RNF24: variants seen among roughly 807,000 people sequenced by gnomAD.
RNF24 encodes ring finger protein 24.
In RNF24, 14 loss-of-function variants were observed where a neutral mutation model predicts 20.0. That is an observed-to-expected ratio of 0.70 (90% CI 0.46 to 1.10). RNF24 has a LOEUF of 1.10. RNF24 is among the 50% of genes least tolerant of loss of function. The pLI is 0.00. For missense variants in RNF24, 124 were observed against 177.6 expected, an observed-to-expected ratio of 0.70 and a Z score of 1.71; for synonymous variants, 45 against 61.1, an observed-to-expected ratio of 0.74 and a Z score of 1.23.
chr20:3,954,899 AAG>A (rs1457058093), intron 2 of RNF24, among the ~76,000 whole-genome samples: 10 of 141,448 alleles, frequency 7.1e-5, no homozygotes, highest in Admixed American at 6.9e-5. Context: ...ACTCCATCTC[AAG>A]AAAAAAAAAA....
chr20:3,935,609 T>G (rs114352328), intron 4 of RNF24, among the ~76,000 whole-genome samples: 1 of 152,230 alleles, frequency 6.6e-6, no homozygotes, highest in African/African-American at 2.4e-5. Context: ...CTCTGTCATA[T>G]AAAAAGTTAC....
At chr20:4,001,004 T>C (rs1316429274) in intron 1 of RNF24, among the ~76,000 whole-genome samples, 1 of 152,112 alleles carries the variant, frequency 6.6e-6, no homozygotes, top group Non-Finnish European at 1.5e-5. Context: ...CAGTGGCTCA[T>C]GCCTGTAATC....
At chr20:3,942,173 A>AT (rs35759811) in intron 4 of RNF24, among the ~76,000 whole-genome samples, 44,914 of 145,446 alleles carry the variant, frequency 0.31, 7,467 homozygotes, top group African/African-American at 0.45. Context: ...TCAGAAAAAT[A>AT]TTTTTTTTTT....
rs767321807 is a variant in RNF24 at position 3,934,241 on chromosome 20, A to C, written c.309-40T>G. Reference sequence around the variant, plus strand: ...ACCACAGGGGGAAGATGTCAGTCCTATGCTCATGGCACGGCTGTTCTGCTG... The same window carrying C: ...ACCACAGGGGGAAGATGTCAGTCCTCTGCTCATGGCACGGCTGTTCTGCTG... On this transcript the variant is annotated intron_variant, in intron 5 of 5. Coordinates refer to ENST00000358395, the MANE Select transcript of RNF24 (RefSeq NM_001134337.3). This position sits in a 1 kb window ranked among gnomAD's most constrained non-coding sequence, Gnocchi z 4.0. 6.3e-7 allele frequency: 1 copy of C among 1,587,800 alleles called. No homozygotes were observed. Among genetic ancestry groups the C allele is most frequent in the Non-Finnish European group, 8.6e-7 (1 of 1,167,608 alleles).
At position 3,929,963 on chromosome 20, in the gene RNF24, C is replaced by T. The variant is rs2090797610; in HGVS notation, c.*4100G>A. 6.8e-6 allele frequency: 1 copy of T among 147,218 alleles called. No individual in the cohort carries two copies. The highest frequency in any genetic ancestry group is 6.6e-5 in the Admixed American group (1 of 15,120). The allele number at this position is 147,218 out of a possible 1,614,324, so 9.1% of individuals were successfully genotyped here. ...TTCTGATTTCTGGGATGGCTCTTCC[C>T]ACATTAGTAGGAGCGTTCCTTGAAT... On this transcript the variant is annotated 3_prime_UTR_variant, in exon 6 of 6. Transcript: ENST00000358395.
intron 3 of RNF24, among the ~76,000 whole-genome samples, chr20:3,947,844 C>T (rs558228946): frequency 1.5e-4 from 23 of 151,990 alleles, no homozygotes; most frequent in African/African-American, 3.4e-4. Context: ...GTCCAGAGTT[C>T]GAGACCAGCC....
At chr20:3,970,393 A>G (rs1323467927) in intron 1 of RNF24, among the ~76,000 whole-genome samples, 3 of 152,226 alleles carry the variant, frequency 2.0e-5, no homozygotes, top group Non-Finnish European at 4.4e-5. Flanking sequence ...AAAAAAATCC[A>G]GAGTCTCATA....
At chr20:3,979,480 G>C (rs1193376505) in intron 1 of RNF24, among the ~76,000 whole-genome samples, 1 of 152,094 alleles carries the variant, frequency 6.6e-6, no homozygotes, top group Non-Finnish European at 1.5e-5. Flanking sequence ...GTTCAGACCA[G>C]CACGGCCAAC....
intron 1 of RNF24, among the ~76,000 whole-genome samples, chr20:3,992,687 A>G (rs1980553908): frequency 1.3e-5 from 2 of 152,192 alleles, no homozygotes; most frequent in Non-Finnish European, 2.9e-5. Flanking sequence ...GTCTCCCTTG[A>G]AAATAGCTCC....
chr20:3,938,748 AT>A (rs554719190), intron 4 of RNF24, among the ~76,000 whole-genome samples: 131 of 150,160 alleles, frequency 8.7e-4, no homozygotes, highest in Non-Finnish European at 7.1e-4. Flanking sequence ...AAAGTTTTTA[AT>A]TTTTTTTTTG....
At chr20:3,977,846 A>G (rs1979011714) in intron 1 of RNF24, among the ~76,000 whole-genome samples, 1 of 148,062 alleles carries the variant, frequency 6.8e-6, no homozygotes, top group African/African-American at 2.5e-5. Flanking sequence ...CCTGGGCGAC[A>G]CAGCGAGACT....
At position 4,008,560 on chromosome 20, in the gene RNF24, T is replaced by A. The variant is rs1354006528; in HGVS notation, c.-8+6877A>T. On this transcript the variant is annotated intron_variant, in intron 1 of 5. Coordinates refer to ENST00000358395, the MANE Select transcript of RNF24 (RefSeq NM_001134337.3). ...ATATATATTATATATATATATATTT[T>A]TTTTTGAGACAGAGTCTCGCTCTGT... 6.5e-4 allele frequency among the ~76,000 whole-genome samples: 86 copies of A among 132,080 alleles called. 1 individual carries two copies. The highest frequency in any genetic ancestry group is 2.9e-3 in the South Asian group (13 of 4,536). The allele number at this position is 132,080 out of a possible 152,430, so 86.6% of individuals were successfully genotyped here.
chr20:3,981,504 CT>C (rs921422300), intron 1 of RNF24, among the ~76,000 whole-genome samples: 52 of 150,714 alleles, frequency 3.5e-4, no homozygotes, highest in African/African-American at 1.1e-3. Flanking sequence ...TTTGGAGTCA[CT>C]TTTTTTCTTT....
rs1473317389 is a variant in RNF24, at chr20:3,931,960, T to G, written c.*2103A>C. The G allele has an allele frequency of 1.3e-5, 2 of 152,238 alleles. No individual in the cohort carries two copies. Among genetic ancestry groups the G allele is most frequent in the Non-Finnish European group, 2.9e-5 (2 of 68,050 alleles). The allele number at this position is 152,238 out of a possible 1,614,324, so 9.4% of individuals were successfully genotyped here. ...ATACAGACTTGGTGAGGCTGTCTTT[T>G]GTTAGTACTGATGCACAGGGACAGA... On this transcript the variant is annotated 3_prime_UTR_variant, in exon 6 of 6. Coordinates refer to ENST00000358395, the MANE Select transcript of RNF24 (RefSeq NM_001134337.3).
intron 2 of RNF24, among the ~76,000 whole-genome samples, chr20:3,953,665 T>C (rs1393617912): frequency 6.6e-6 from 1 of 151,976 alleles, no homozygotes; most frequent in African/African-American, 2.4e-5. Flanking sequence ...GGTTTCACCA[T>C]GTTGGCCAAG....
chr20:3,955,343 C>T (rs373236544), intron 2 of RNF24, among the ~76,000 whole-genome samples: 112 of 152,206 alleles, frequency 7.4e-4, no homozygotes, highest in Middle Eastern at 3.4e-3. Context: ...ACAAATGTTT[C>T]GCATGTTAAT....
intron 4 of RNF24, among the ~76,000 whole-genome samples, chr20:3,935,739 C>T (rs1411807231): frequency 6.6e-6 from 1 of 152,238 alleles, no homozygotes; most frequent in African/African-American, 2.4e-5. Context: ...TGGGTTCCAA[C>T]ACTTTCCTGG....
In RNF24 at chr20:3,991,662, T is replaced by C. The variant is rs541828035; in HGVS notation, c.-8+23775A>G. 5.9e-5 allele frequency among the ~76,000 whole-genome samples: 9 copies of C among 152,314 alleles called. No individual in the cohort carries two copies. The South Asian group carries it at 1.9e-3, about 32-fold the overall frequency. On this transcript the variant is annotated intron_variant, in intron 1 of 5. Transcript: ENST00000358395. ...CTTAGTTGAAAATCCTGGCTTTTTC[T>C]GGATAAATGTAGTGAGGAAAAATTA...
chr20:3,939,828 C>T (rs2090934017), intron 4 of RNF24, among the ~76,000 whole-genome samples: 1 of 152,268 alleles, frequency 6.6e-6, no homozygotes, highest in African/African-American at 2.4e-5. Flanking sequence ...AACCAATGAA[C>T]ATGGGATGTC....
Sources: allele counts gnomAD v4.1 joint callset (sites outside exome capture counted in the v4.1 genomes callset), GRCh38; gene constraint gnomAD v4.1.1; non-coding constraint Gnocchi (gnomAD v3.1); transcripts MANE v1.5; gene names NCBI Gene and HGNC (gene_info 2026-07-23, HGNC 2026-07-21).